Variants in GPHN observed in about 807,000 individuals in gnomAD.
GPHN encodes gephyrin.
Under a neutral mutation model 95.5 loss-of-function variants are expected in GPHN, and 17 were observed. The ratio of observed to expected loss-of-function variants is 0.18; its 90% CI spans 0.12 to 0.27. The LOEUF is 0.27. Among genes scored for constraint, GPHN ranks in the 10% least tolerant of loss-of-function variants. The pLI is 1.00. For missense variants in GPHN, 660 were observed against 978.1 expected, an observed-to-expected ratio of 0.67 and a Z score of 4.34; for synonymous variants, 320 against 322.5, an observed-to-expected ratio of 0.99 and a Z score of 0.08.
chr14:66,770,081 T>A (rs1042094632), intron 2 of GPHN, among the ~76,000 whole-genome samples: 6 of 152,174 alleles, frequency 3.9e-5, no homozygotes, highest in African/African-American at 1.4e-4. Context: ...TAATGATCAG[T>A]GATGTTGAGC....
At chr14:66,567,505 T>C (rs2060509935) in intron 1 of GPHN, among the ~76,000 whole-genome samples, 1 of 152,114 alleles carries the variant, frequency 6.6e-6, no homozygotes, top group Non-Finnish European at 1.5e-5. Flanking sequence ...AGCCATAGAG[T>C]ACATTGTGGG....
At chr14:66,817,780 C>T (rs1290118223) in intron 3 of GPHN, among the ~76,000 whole-genome samples, 1 of 152,166 alleles carries the variant, frequency 6.6e-6, no homozygotes, top group African/African-American at 2.4e-5. Flanking sequence ...GCCCAGCCTT[C>T]CTGACATGGT....
At chr14:66,818,283 C>G (rs2061057445) in intron 3 of GPHN, among the ~76,000 whole-genome samples, 1 of 152,084 alleles carries the variant, frequency 6.6e-6, no homozygotes, top group African/African-American at 2.4e-5. Context: ...CTTCAACATG[C>G]CCCACTGTGT....
chr14:66,631,493 A>G (rs1260041400), intron 1 of GPHN, among the ~76,000 whole-genome samples: 1 of 152,122 alleles, frequency 6.6e-6, no homozygotes, highest in Non-Finnish European at 1.5e-5. Flanking sequence ...TTACTTTTAG[A>G]TAAGTTTGTA....
the GPHN span, among the ~76,000 whole-genome samples, chr14:67,698,735 G>C: frequency 5.9e-5 from 9 of 152,278 alleles, no homozygotes; most frequent in African/African-American, 1.9e-4. Flanking sequence ...GCTCTGAGGA[G>C]GATTTGGTCT....
At chr14:66,869,511 C>G (rs978499172) in intron 4 of GPHN, among the ~76,000 whole-genome samples, 3 of 152,190 alleles carry the variant, frequency 2.0e-5, no homozygotes, top group Admixed American at 2.0e-4. Context: ...GCTGCCTGCT[C>G]CCTAGTTTAG....
At chr14:66,880,473 G>A (rs1056465335) in intron 5 of GPHN, among the ~76,000 whole-genome samples, 1 of 151,802 alleles carries the variant, frequency 6.6e-6, no homozygotes. Context: ...ACTATGTAAA[G>A]TTACTGTTTT....
chr14:67,295,650 A>G, the GPHN span, among the ~76,000 whole-genome samples: 1 of 152,242 alleles, frequency 6.6e-6, no homozygotes. Context: ...AAATTAAAAC[A>G]TAATGAGATA....
intron 5 of GPHN, 125 bp downstream of exon 5, chr14:66,880,158 C>T: frequency 1.4e-6 from 1 of 706,636 alleles, no homozygotes; most frequent in Non-Finnish European, 2.6e-6. Flanking sequence ...AAGTTCTTAG[C>T]TTATACTAAT....
chr14:67,665,019 C>T, the GPHN span, among the ~76,000 whole-genome samples: 3 of 152,142 alleles, frequency 2.0e-5, no homozygotes, highest in African/African-American at 4.8e-5. Flanking sequence ...GAGTGCACCA[C>T]CACAACCAGA....
At chr14:67,457,943 C>T in the GPHN span, among the ~76,000 whole-genome samples, 1 of 152,222 alleles carries the variant, frequency 6.6e-6, no homozygotes, top group Non-Finnish European at 1.5e-5. Flanking sequence ...GAGGACAGGG[C>T]TGCTCTCTGG....
the GPHN span, chr14:67,203,376 C>T: frequency 2.6e-6 from 3 of 1,155,750 alleles, no homozygotes; most frequent in Admixed American, 8.1e-5. Context: ...ACACTGATGA[C>T]AATTGCGCCA....
chr14:66,688,061 T>G (rs2153403722), intron 2 of GPHN, among the ~76,000 whole-genome samples: 1 of 152,336 alleles, frequency 6.6e-6, no homozygotes, highest in South Asian at 2.1e-4. Flanking sequence ...AACAATGACA[T>G]AAACAGTTGA....
intron 2 of GPHN, among the ~76,000 whole-genome samples, chr14:66,761,431 T>C (rs2058750338): frequency 6.6e-6 from 1 of 152,202 alleles, no homozygotes; most frequent in Non-Finnish European, 1.5e-5. Context: ...TAACAATTTG[T>C]ATGACAGTGT....
chr14:66,924,299 CAA>C lies in GPHN; in HGVS notation c.828+8_828+9del, dbSNP rs764346460. On this transcript the variant is annotated splice_region_variant and intron_variant, in intron 8 of 22. Coordinates refer to ENST00000478722, the MANE Select transcript of GPHN (RefSeq NM_020806.5). ...TCATTCAACAGATGAACGGGTAAGA[CAA>C]GAGGCTTTTGCATTAATGGTTTTCC... is the stretch of plus-strand genomic sequence containing the variant. 6.6e-7 allele frequency: 1 copy of C among 1,508,916 alleles called. No homozygotes were observed. Among genetic ancestry groups the C allele is most frequent in the South Asian group, 1.1e-5 (1 of 88,974 alleles). 93.5% of individuals were successfully genotyped at this position (1,508,916 alleles called of 1,614,324 possible). A position where few individuals can be genotyped will look rare whatever the true frequency, so the allele number is the denominator to read the frequency against.
the GPHN span, among the ~76,000 whole-genome samples, chr14:67,501,503 T>TAC: frequency 6.6e-6 from 1 of 152,282 alleles, no homozygotes; most frequent in South Asian, 2.1e-4. Flanking sequence ...GTGCTGGGAT[T>TAC]ACAGGCATGA....
the GPHN span, among the ~76,000 whole-genome samples, chr14:67,463,950 A>G: frequency 6.6e-6 from 1 of 152,176 alleles, no homozygotes; most frequent in Admixed American, 6.5e-5. Context: ...CAATACTGCC[A>G]ACAACCTTGA....
the GPHN span, among the ~76,000 whole-genome samples, chr14:67,389,735 C>A: frequency 6.6e-6 from 1 of 151,432 alleles, no homozygotes; most frequent in African/African-American, 2.4e-5. Flanking sequence ...TTAGGCTAGA[C>A]CATGGTGAGA....
chr14:66,583,126 T>C (rs1280255295), intron 1 of GPHN, among the ~76,000 whole-genome samples: 1 of 152,012 alleles, frequency 6.6e-6, no homozygotes, highest in Non-Finnish European at 1.5e-5. Flanking sequence ...TGCATTTCTC[T>C]GATGGCCAGT....
Sources: allele counts gnomAD v4.1 joint callset (sites outside exome capture counted in the v4.1 genomes callset), GRCh38; gene constraint gnomAD v4.1.1; transcripts MANE v1.5; gene names NCBI Gene and HGNC (gene_info 2026-07-23, HGNC 2026-07-21).